Variants in NR2C1 observed in about 807,000 individuals in gnomAD.
NR2C1 encodes the protein nuclear receptor subfamily 2 group C member 1, also known as TR2 nuclear hormone receptor.
A neutral mutation model predicts 74.8 loss-of-function variants in NR2C1; 33 were observed. The observed-to-expected ratio is 0.44, with a 90% CI of 0.33 to 0.59. The LOEUF is 0.59. Among genes scored for constraint, NR2C1 ranks in the 20% least tolerant of loss-of-function variants. NR2C1 has a pLI of 0.02. For synonymous variants in NR2C1, 225 were observed against 240.6 expected (o/e 0.94, Z 0.60); for missense variants, 568 against 715.6 (o/e 0.79, Z 2.35).
chr12:95,053,747 G>A (rs1291917317), intron 7 of NR2C1, among the ~76,000 whole-genome samples: 3 of 142,668 alleles, frequency 2.1e-5, no homozygotes, highest in Non-Finnish European at 3.0e-5. Flanking sequence ...GCAGTGGTGC[G>A]ATCTCGGCTC....
intron 13 of NR2C1, among the ~76,000 whole-genome samples, chr12:95,024,163 A>G (rs1208638707): frequency 6.6e-6 from 1 of 152,210 alleles, no homozygotes; most frequent in Non-Finnish European, 1.5e-5. Context: ...ATGTAAAAAA[A>G]TTATTATATG....
At chr12:95,071,102 G>A (rs547052509) in intron 1 of NR2C1, among the ~76,000 whole-genome samples, 2 of 152,108 alleles carry the variant, frequency 1.3e-5, no homozygotes, top group Admixed American at 1.3e-4. Flanking sequence ...GCAGGAGGCT[G>A]AGGCAAGAGA....
chr12:95,022,468 A>G (rs1357535097), intron 13 of NR2C1, 65 bp from the exon 14 acceptor site: 27 of 1,271,140 alleles, frequency 2.1e-5, no homozygotes, highest in Non-Finnish European at 1.1e-6. Context: ...TTAGTAGAAA[A>G]ATATGAGTAA....
At chr12:95,027,352 G>C (rs2136094012) in intron 12 of NR2C1, among the ~76,000 whole-genome samples, 1 of 152,278 alleles carries the variant, frequency 6.6e-6, no homozygotes, top group East Asian at 1.9e-4. Flanking sequence ...ACTGCGCCCT[G>C]CCAAGGTCTA....
chr12:95,025,106 G>C (rs983194778), intron 13 of NR2C1, 44 bp downstream of exon 13: 3 of 875,462 alleles, frequency 3.4e-6, no homozygotes, highest in South Asian at 3.6e-5. Flanking sequence ...ATCCACAAAA[G>C]GTTTTTCAAT....
rs113197444 is a variant in NR2C1 at position 95,051,776 on chromosome 12, G to A, written c.951C>T (p.Asn317=). 8.1e-6 allele frequency: 13 copies of A among 1,605,384 alleles called. No individual in the cohort carries two copies. The highest frequency in any genetic ancestry group is 4.5e-5 in the East Asian group (2 of 44,684). The change falls in exon 8 of 14, where the codon AAC becomes AAT. Residue 317 remains asparagine (N), a synonymous_variant. Transcript: ENST00000333003. ...AGATACCTTACCTTGAAACATCACCGTTGGTCTGCATTTCTTGAAATTCAC... is the reference window on the plus strand; with the variant it reads ...AGATACCTTACCTTGAAACATCACCATTGGTCTGCATTTCTTGAAATTCAC... ...SLCEFQEMQT[N]GDVSRAFDTL... is the part of the protein sequence containing the mutation.
intron 9 of NR2C1, among the ~76,000 whole-genome samples, chr12:95,045,250 C>T (rs1872162939): frequency 6.6e-6 from 1 of 152,124 alleles, no homozygotes; most frequent in Admixed American, 6.5e-5. Context: ...GCTAAGAAAG[C>T]TAATGGCATG....
chr12:95,067,141 T>C (rs1875835734), intron 2 of NR2C1, 190 bp downstream of exon 2: 8 of 611,510 alleles, frequency 1.3e-5, no homozygotes, highest in Non-Finnish European at 2.3e-5. Flanking sequence ...CCTGATACAA[T>C]GACCTGTCAC....
At chr12:95,041,384 A>C (rs1272419336) in intron 9 of NR2C1, among the ~76,000 whole-genome samples, 1 of 152,250 alleles carries the variant, frequency 6.6e-6, no homozygotes, top group African/African-American at 2.4e-5. Context: ...CGGGAGGCTG[A>C]GGCAGGGGAA....
intron 11 of NR2C1, among the ~76,000 whole-genome samples, chr12:95,029,714 G>A (rs1341073418): frequency 6.6e-6 from 1 of 151,388 alleles, no homozygotes; most frequent in East Asian, 2.0e-4. Flanking sequence ...TTGCCACCAC[G>A]CCTGGCTAAT....
At position 95,057,535 on chromosome 12, in the gene NR2C1, A is replaced by C; in HGVS notation, c.783+18T>G. On this transcript the variant is annotated intron_variant, in intron 7 of 13. Transcript: ENST00000333003. Reference sequence around the variant, plus strand: ...AAATGCTTAAAATTATCTAAGCTTTAAATTGTACTAAACACACCTTATCTG... The same window carrying C: ...AAATGCTTAAAATTATCTAAGCTTTCAATTGTACTAAACACACCTTATCTG... The C allele has an allele frequency of 6.5e-7, 1 of 1,541,904 alleles. No individual in the cohort carries two copies. Among genetic ancestry groups the C allele is most frequent in the Non-Finnish European group, 8.8e-7 (1 of 1,133,718 alleles).
chr12:95,068,165 A>G (rs1161660793), intron 1 of NR2C1, among the ~76,000 whole-genome samples: 1 of 151,840 alleles, frequency 6.6e-6, no homozygotes, highest in Non-Finnish European at 1.5e-5. Flanking sequence ...GGCGTGAGCC[A>G]CTGCACCCGG....
At chr12:95,051,641 A>G (rs945674812) in intron 8 of NR2C1, 121 bp downstream of exon 8, 5 of 804,008 alleles carry the variant, frequency 6.2e-6, no homozygotes, top group Non-Finnish European at 9.5e-6. Context: ...ACCTGTATTT[A>G]GATAATCAAC....
chr12:95,038,134 G>A (rs17023580), intron 10 of NR2C1, among the ~76,000 whole-genome samples: 3,161 of 152,184 alleles, frequency 0.021, 102 homozygotes, highest in African/African-American at 0.072. Flanking sequence ...TTGTTACATT[G>A]AAACTGATTC....
At chr12:95,050,631 T>C (rs1872859110) in intron 8 of NR2C1, among the ~76,000 whole-genome samples, 1 of 151,546 alleles carries the variant, frequency 6.6e-6, no homozygotes, top group Non-Finnish European at 1.5e-5. Flanking sequence ...TTTTATCATA[T>C]CTTTTTTTTT....
At chr12:95,023,222 A>G (rs938950663) in intron 13 of NR2C1, among the ~76,000 whole-genome samples, 1 of 152,060 alleles carries the variant, frequency 6.6e-6, no homozygotes, top group Admixed American at 6.6e-5. Flanking sequence ...AATACAAAAA[A>G]TAATTAGCCA....
intron 8 of NR2C1, among the ~76,000 whole-genome samples, chr12:95,051,116 T>A (rs1270266686): frequency 2.6e-5 from 4 of 152,170 alleles, no homozygotes; most frequent in Admixed American, 2.6e-4. Context: ...TGCCTTAAAT[T>A]TTCTAAGTGA....
chr12:95,056,971 A>AAT (rs1348542077), intron 7 of NR2C1, among the ~76,000 whole-genome samples: 14 of 152,162 alleles, frequency 9.2e-5, no homozygotes, highest in Middle Eastern at 3.4e-3. Context: ...AAAAAAAAAA[A>AAT]AAAAGACTTT....
At chr12:95,026,466 G>T (rs1448599038) in intron 12 of NR2C1, among the ~76,000 whole-genome samples, 1 of 152,076 alleles carries the variant, frequency 6.6e-6, no homozygotes, top group Non-Finnish European at 1.5e-5. Flanking sequence ...AAGAAATGTT[G>T]AATATGGAAA....
Sources: allele counts gnomAD v4.1 joint callset (sites outside exome capture counted in the v4.1 genomes callset), GRCh38; gene constraint gnomAD v4.1.1; transcripts MANE v1.5; gene names NCBI Gene and HGNC (gene_info 2026-07-23, HGNC 2026-07-21).